Variants in NFKBID observed in about 807,000 individuals in gnomAD.
The protein encoded by NFKBID is NFKB inhibitor delta, also known as NF-kappa-B inhibitor delta.
NFKBID carries 26 observed loss-of-function variants against 53.4 expected under a neutral mutation model. That is an observed-to-expected ratio of 0.49 (90% CI 0.36 to 0.68). The LOEUF is 0.68. Ranked by LOEUF, NFKBID falls within the 30% of genes least tolerant of loss-of-function variation. The probability of loss-of-function intolerance (pLI) is 0.00; values close to 1 mark genes in which losing one functional copy is unlikely to be tolerated. For synonymous variants in NFKBID, 262 were observed against 259.8 expected, an observed-to-expected ratio of 1.01 and a Z score of -0.08; for missense variants, 493 against 614.1, an observed-to-expected ratio of 0.80 and a Z score of 2.08.
At chr19:35,900,836 T>C (rs867821792), upstream of NFKBID, among the ~76,000 whole-genome samples, 2,113 of 143,998 alleles carry the variant, frequency 0.015, 53 homozygotes, top group African/African-American at 0.048. Flanking sequence ...TCTTTTTTTT[T>C]TTTTTTTTTT....
intron 4 of NFKBID, 56 bp downstream of exon 4, chr19:35,897,595 T>A (rs1975269039): frequency 1.2e-6 from 1 of 858,126 alleles, no homozygotes; most frequent in Admixed American, 1.8e-5. Context: ...ACTGCAGGAG[T>A]GCAACTGCGA....
chr19:35,889,099 C>T (rs542789621), intron 11 of NFKBID, among the ~76,000 whole-genome samples: 2 of 151,214 alleles, frequency 1.3e-5, no homozygotes, highest in East Asian at 3.9e-4. Context: ...TCCTGTGATC[C>T]CAACACTTTG....
Position 35,896,298 on chromosome 19 carries a change from G to A in NFKBID, c.832-29C>T, listed in dbSNP as rs754825143. 5.6e-6 allele frequency: 9 copies of A among 1,614,114 alleles called. No individual in the cohort carries two copies. Among genetic ancestry groups the A allele is most frequent in the Non-Finnish European group, 7.6e-6 (9 of 1,179,956 alleles). ...GGAGGAAGAGAAGGCAGACTGCTGG[G>A]TAAGGGTATCCCCTGGCCTCCTGGC... On this transcript the variant is annotated intron_variant, in intron 7 of 11. Coordinates refer to ENST00000641389, the Ensembl canonical transcript of NFKBID. The surrounding 1 kb of genome is among the most constrained non-coding windows in gnomAD (Gnocchi z 5.7).
chr19:35,900,770 G>A (rs1429503171), upstream of NFKBID: 3 of 489,648 alleles, frequency 6.1e-6, no homozygotes, highest in Admixed American at 1.3e-4. Flanking sequence ...GCTCCAAGAG[G>A]AGGGAGAAAC....
At chr19:35,897,509 G>A (rs1236148843) in intron 4 of NFKBID, 142 bp downstream of exon 4, 1 of 679,428 alleles carries the variant, frequency 1.5e-6, no homozygotes, top group Non-Finnish European at 2.7e-6. Context: ...CTCCCAAAGT[G>A]CTGGGATTAC....
intron 9 of NFKBID, among the ~76,000 whole-genome samples, chr19:35,895,740 G>C (rs538129159): frequency 6.6e-6 from 1 of 152,218 alleles, no homozygotes; most frequent in East Asian, 1.9e-4. Flanking sequence ...GGATGCAGAG[G>C]TTGCGGTGAG....
chr19:35,893,026 G>A (rs115664735), intron 9 of NFKBID, among the ~76,000 whole-genome samples: 1,698 of 152,196 alleles, frequency 0.011, 29 homozygotes, highest in African/African-American at 0.038. Flanking sequence ...ACAATTAGCC[G>A]GGTGAGGTGG....
intron 3 of NFKBID, 54 bp downstream of exon 3, chr19:35,898,418 G>A: frequency 1.7e-6 from 2 of 1,156,438 alleles, no homozygotes; most frequent in African/African-American, 3.1e-5. Flanking sequence ...GAGCTGCGAT[G>A]TCTGAGTCCC....
At position 35,896,324 on chromosome 19, in the gene NFKBID, C is replaced by T; in HGVS notation, c.832-55G>A. 6.2e-7 allele frequency: 1 copy of T among 1,613,858 alleles called. No individual in the cohort carries two copies. The highest frequency in any genetic ancestry group is 1.1e-5 in the South Asian group (1 of 91,068). On this transcript the variant is annotated intron_variant, in intron 7 of 11. Coordinates refer to ENST00000641389, the Ensembl canonical transcript of NFKBID. This position sits in a 1 kb window ranked among gnomAD's most constrained non-coding sequence, Gnocchi z 5.7. ...TAAGGGTATCCCCTGGCCTCCTGGC[C>T]CTGGAAGCCAAAATCTGGGCAACCA...
At chr19:35,900,827 CTTTTTTTTTTTTT>C (rs60365058), upstream of NFKBID, among the ~76,000 whole-genome samples, 645 of 107,618 alleles carry the variant, frequency 6.0e-3, 7 homozygotes, top group Middle Eastern at 0.025. Context: ...TTTTTCTTTT[CTTTTTTTTTTTTT>C]TTTTTTTTTG....
intron 11 of NFKBID, 73 bp downstream of exon 11, chr19:35,889,817 G>T: frequency 7.0e-7 from 1 of 1,432,470 alleles, no homozygotes; most frequent in Non-Finnish European, 9.5e-7. Flanking sequence ...GCGAGCATTG[G>T]GTGGGGCAGG....
chr19:35,900,817 TTTTTC>T (rs1975526712), upstream of NFKBID, among the ~76,000 whole-genome samples: 2 of 147,366 alleles, frequency 1.4e-5, no homozygotes, highest in Non-Finnish European at 1.5e-5. Context: ...CTTTTTCTTT[TTTTTC>T]TTTTCTTTTT....
At chr19:35,891,104 C>T (rs1030648142) in intron 9 of NFKBID, among the ~76,000 whole-genome samples, 2 of 152,166 alleles carry the variant, frequency 1.3e-5, no homozygotes, top group African/African-American at 2.4e-5. Context: ...CCATTCAACA[C>T]ATTAAATTGC....
Position 35,896,733 on chromosome 19 carries a change from T to G in NFKBID, c.677A>C (p.Lys226Thr). ...TCAGGCCCCAAGCCTCACCTTGCCC[T>G]TATGCTCACGAATGTCAAGACGCCG... Residue 226 changes from lysine to threonine, a missense_variant, in exon 6 of 12, where the codon AAG becomes ACG. By Grantham distance (78) the Lys-to-Thr change is moderately conservative (BLOSUM62 -1). Transcript: ENST00000641389. The surrounding 1 kb of genome is among the most constrained non-coding windows in gnomAD (Gnocchi z 5.7). The G allele has an allele frequency of 6.2e-7, 1 of 1,612,912 alleles. No individual in the cohort carries two copies. Among genetic ancestry groups the G allele is most frequent in the Non-Finnish European group, 8.5e-7 (1 of 1,179,638 alleles).
intron 9 of NFKBID, among the ~76,000 whole-genome samples, chr19:35,893,319 C>T (rs1008926263): frequency 6.6e-6 from 1 of 152,158 alleles, no homozygotes; most frequent in Non-Finnish European, 1.5e-5. Context: ...GATCACTTAG[C>T]TCTACTTTGC....
At chr19:35,891,778 A>G (rs1974784065) in intron 9 of NFKBID, among the ~76,000 whole-genome samples, 1 of 152,140 alleles carries the variant, frequency 6.6e-6, no homozygotes, top group Non-Finnish European at 1.5e-5. Flanking sequence ...GAGACACAGG[A>G]ATAGCTTGAA....
exon 1 of NFKBID, chr19:35,900,596 T>C (rs968115658): frequency 3.3e-6 from 4 of 1,230,562 alleles, no homozygotes. Context: ...CACCGCCCAG[T>C]CCTGGGCAGG....
exon 11 of NFKBID, chr19:35,889,984 C>T (rs764013048): frequency 2.6e-5 from 42 of 1,610,970 alleles, no homozygotes; most frequent in Non-Finnish European, 3.4e-5. Flanking sequence ...CAACAGGTGC[C>T]GCACGATGGC....
At chr19:35,894,055 G>A (rs1974963343) in intron 9 of NFKBID, among the ~76,000 whole-genome samples, 1 of 152,086 alleles carries the variant, frequency 6.6e-6, no homozygotes, top group Non-Finnish European at 1.5e-5. Context: ...AGGAGTTTGA[G>A]AGAACAGCCT....
Sources: allele counts gnomAD v4.1 joint callset (sites outside exome capture counted in the v4.1 genomes callset), GRCh38; gene constraint gnomAD v4.1.1; non-coding constraint Gnocchi (gnomAD v3.1); transcripts MANE v1.5; gene names NCBI Gene and HGNC (gene_info 2026-07-23, HGNC 2026-07-21).